The following SRGAP2 variants were observed in gnomAD, a reference collection of about 807,000 sequenced individuals.
The protein encoded by SRGAP2 is SLIT-ROBO Rho GTPase activating protein 2, also known as SLIT-ROBO Rho GTPase-activating protein 2.
SRGAP2 carries 15 observed loss-of-function variants against 57.2 expected under a neutral mutation model. That is an observed-to-expected ratio of 0.26 (90% CI 0.18 to 0.40). The LOEUF (loss-of-function observed/expected upper bound fraction) is 0.40. Ranked by LOEUF, SRGAP2 falls within the 10% of genes least tolerant of loss-of-function variation. The pLI is 1.00. For missense variants in SRGAP2, 520 were observed against 669.6 expected, an observed-to-expected ratio of 0.78 and a Z score of 2.47; for synonymous variants, 249 against 248.0, an observed-to-expected ratio of 1.00 and a Z score of -0.04.
chr1:206,361,484 CA>C (rs538228278), intron 4 of SRGAP2, among the ~76,000 whole-genome samples: 100 of 152,254 alleles, frequency 6.6e-4, no homozygotes, highest in African/African-American at 2.3e-3. Context: ...GTGAGGATAA[CA>C]ATGACAAAGG....
At chr1:206,383,092 TCGGCTCACTGCAA>T (rs1655856084) in intron 4 of SRGAP2, among the ~76,000 whole-genome samples, 1 of 144,850 alleles carries the variant, frequency 6.9e-6, no homozygotes, top group African/African-American at 2.7e-5. Context: ...TGGTGCAATC[TCGGCTCACTGCAA>T]CCTCCACCTT....
intron 10 of SRGAP2, among the ~76,000 whole-genome samples, chr1:206,410,666 T>A (rs1004172074): frequency 3.4e-4 from 52 of 152,246 alleles, no homozygotes; most frequent in African/African-American, 1.3e-3. Flanking sequence ...TTCTTCACTT[T>A]TTTAACGTTC....
chr1:206,371,600 G>A (rs1236520909), intron 4 of SRGAP2, among the ~76,000 whole-genome samples: 16 of 151,590 alleles, frequency 1.1e-4, no homozygotes, highest in Admixed American at 7.2e-4. Flanking sequence ...GCATAGTGGC[G>A]GGCACCTGGA....
intron 3 of SRGAP2, among the ~76,000 whole-genome samples, chr1:206,312,728 C>T (rs1455185562): frequency 6.6e-6 from 1 of 152,054 alleles, no homozygotes; most frequent in Non-Finnish European, 1.5e-5. Flanking sequence ...GTGGGAAGAC[C>T]CTGCTAATGT....
At chr1:206,451,445 G>C (rs1663300565) in intron 19 of SRGAP2, among the ~76,000 whole-genome samples, 1 of 152,122 alleles carries the variant, frequency 6.6e-6, no homozygotes, top group South Asian at 2.1e-4. Flanking sequence ...ATGGGCTCTG[G>C]AAGTCTCAGC....
In SRGAP2 at chr1:206,417,951, A is replaced by T. The variant is rs544047339; in HGVS notation, c.1442-1422A>T. Among the ~76,000 whole-genome samples, 16 of 151,766 alleles carry T rather than the reference A, an allele frequency of 1.1e-4. No individual in the cohort carries two copies. In the South Asian group the frequency reaches 3.4e-3, roughly 32 times the overall value. On this transcript the variant is annotated intron_variant, in intron 11 of 22. Transcript: ENST00000573034. ...ACAGAGAGCAGGGCCTTGGGGCCAT[A>T]CAAATGCATTCATATGCGCTCACAT...
intron 2 of SRGAP2, among the ~76,000 whole-genome samples, chr1:206,268,277 A>C (rs1302991488): frequency 1.1e-5 from 1 of 90,548 alleles, no homozygotes; most frequent in African/African-American, 4.5e-5. Flanking sequence ...GATGTTCCCC[A>C]TCCTGTGTCC....
At chr1:206,285,819 C>T (rs1670992583) in intron 2 of SRGAP2, among the ~76,000 whole-genome samples, 1 of 152,170 alleles carries the variant, frequency 6.6e-6, no homozygotes, top group East Asian at 1.9e-4. Flanking sequence ...AGGTGCACCA[C>T]CATGCCTGGC....
intron 2 of SRGAP2, among the ~76,000 whole-genome samples, chr1:206,267,060 C>T (rs1553314718): frequency 6.7e-6 from 1 of 150,058 alleles, no homozygotes; most frequent in East Asian, 2.0e-4. Flanking sequence ...GCTCCGCCTC[C>T]CGGGTTCACA....
chr1:206,239,992 A>C (rs551330524), intron 2 of SRGAP2, among the ~76,000 whole-genome samples: 5 of 151,668 alleles, frequency 3.3e-5, no homozygotes, highest in African/African-American at 1.2e-4. Flanking sequence ...TGGGCCAGGC[A>C]CGGTGGCTCA....
At chr1:206,280,912 T>G (rs1358928655) in intron 2 of SRGAP2, among the ~76,000 whole-genome samples, 1 of 152,320 alleles carries the variant, frequency 6.6e-6, no homozygotes, top group African/African-American at 2.4e-5. Flanking sequence ...TAGAGGCAAT[T>G]AGGCAGAAAT....
At chr1:206,423,223 G>C (rs1283990818) in intron 13 of SRGAP2, among the ~76,000 whole-genome samples, 1 of 152,048 alleles carries the variant, frequency 6.6e-6, no homozygotes, top group Non-Finnish European at 1.5e-5. Context: ...TTCTCTCCTG[G>C]CCATGACTTC....
Position 206,217,563 on chromosome 1 carries a change from C to T in SRGAP2, c.67+11526C>T, listed in dbSNP as rs1454722038. 2.6e-5 allele frequency among the ~76,000 whole-genome samples: 4 copies of T among 151,948 alleles called. No homozygotes were observed. In the East Asian group the frequency reaches 7.7e-4, roughly 29 times the overall value. On this transcript the variant is annotated intron_variant, in intron 2 of 22. Coordinates refer to ENST00000573034, the MANE Select transcript of SRGAP2 (RefSeq NM_015326.5). Reference sequence around the variant, plus strand: ...TAATAATGATGATGATGATGGTTAGCGTTTATCAAGTGCTTCTTATGTCTC... The same window carrying T: ...TAATAATGATGATGATGATGGTTAGTGTTTATCAAGTGCTTCTTATGTCTC...
At chr1:206,305,644 G>T (rs1672146709) in intron 3 of SRGAP2, among the ~76,000 whole-genome samples, 1 of 150,988 alleles carries the variant, frequency 6.6e-6, no homozygotes, top group Non-Finnish European at 1.5e-5. Context: ...ATAATATGTG[G>T]TGTATAGTAG....
chr1:206,429,715 T>C (rs1361655960), intron 13 of SRGAP2, among the ~76,000 whole-genome samples: 1 of 152,164 alleles, frequency 6.6e-6, no homozygotes, highest in Non-Finnish European at 1.5e-5. Context: ...AATAATGAAA[T>C]GTGCCCTTTT....
At chr1:206,354,408 G>A (rs1464737662) in intron 4 of SRGAP2, among the ~76,000 whole-genome samples, 2 of 152,106 alleles carry the variant, frequency 1.3e-5, no homozygotes, top group African/African-American at 4.8e-5. Context: ...GCCTTTCTGG[G>A]GTTTTCATGG....
intron 3 of SRGAP2, among the ~76,000 whole-genome samples, chr1:206,307,731 T>C (rs1359489977): frequency 6.6e-6 from 1 of 152,238 alleles, no homozygotes; most frequent in Non-Finnish European, 1.5e-5. Flanking sequence ...CCAGCAGGGC[T>C]GGCCGGCTGC....
intron 2 of SRGAP2, among the ~76,000 whole-genome samples, chr1:206,240,003 C>T (rs1454407979): frequency 2.0e-5 from 3 of 151,662 alleles, no homozygotes; most frequent in African/African-American, 7.3e-5. Context: ...CGGTGGCTCA[C>T]GCCTGTAATC....
At chr1:206,389,165 CTTTTTTTTTTTTT>C (rs71274650) in intron 5 of SRGAP2, among the ~76,000 whole-genome samples, 1 of 73,074 alleles carries the variant, frequency 1.4e-5, no homozygotes, top group Non-Finnish European at 2.4e-5. Context: ...CTCAGACTTC[CTTTTTTTTTTTTT>C]TTTTTTTTTT....
Sources: allele counts gnomAD v4.1 joint callset (sites outside exome capture counted in the v4.1 genomes callset), GRCh38; gene constraint gnomAD v4.1.1; transcripts MANE v1.5; gene names NCBI Gene and HGNC (gene_info 2026-07-23, HGNC 2026-07-21).